CLDN10: variants seen among roughly 807,000 people sequenced by gnomAD.
The protein encoded by CLDN10 is claudin 10.
In CLDN10, 15 loss-of-function variants were observed where a neutral mutation model predicts 22.9. The ratio of observed to expected loss-of-function variants is 0.65; its 90% CI spans 0.44 to 1.01. CLDN10 has a LOEUF of 1.01. Ranked by LOEUF, CLDN10 falls within the 50% of genes least tolerant of loss-of-function variation. The pLI is 0.00. For synonymous variants in CLDN10, 114 were observed against 111.4 expected (o/e 1.02, Z -0.15); for missense variants, 247 against 287.8 (o/e 0.86, Z 1.03).
upstream of CLDN10, among the ~76,000 whole-genome samples, chr13:95,548,097 C>T (rs2043528686): frequency 6.6e-6 from 1 of 152,142 alleles, no homozygotes; most frequent in African/African-American, 2.4e-5. Context: ...ATCACTTGCC[C>T]AAAACATATA....
chr13:95,577,343 GAA>G lies in CLDN10; in HGVS notation c.572+9_572+10del. The G allele has an allele frequency of 6.3e-7, 1 of 1,579,212 alleles. No homozygotes were observed. Among genetic ancestry groups the G allele is most frequent in the Non-Finnish European group, 8.7e-7 (1 of 1,148,536 alleles). ...TGACAACAACAAAACACCCAGGTAT[GAA>G]AAAGAGACAAAAATGACCTGTTAAA... On this transcript the variant is annotated splice_donor_region_variant and intron_variant, in intron 4 of 4. Transcript: ENST00000299339.
At chr13:95,513,391 A>G (rs2043126512) in intron 1 of CLDN10, among the ~76,000 whole-genome samples, 1 of 152,172 alleles carries the variant, frequency 6.6e-6, no homozygotes, top group Non-Finnish European at 1.5e-5. Flanking sequence ...AGATAAACTT[A>G]TTTTCCAATT....
At chr13:95,553,024 C>T (rs1240443931) in intron 1 of CLDN10, 51 bp downstream of exon 1, 1 of 1,598,312 alleles carries the variant, frequency 6.3e-7, no homozygotes, top group Non-Finnish European at 8.5e-7. Flanking sequence ...TGATGGCCAG[C>T]CCGCTAGGCG....
intron 1 of CLDN10, among the ~76,000 whole-genome samples, chr13:95,522,780 G>A (rs1194488494): frequency 2.6e-5 from 4 of 151,832 alleles, no homozygotes; most frequent in Admixed American, 2.6e-4. Context: ...CTAATGAATT[G>A]GGTTTTTTTA....
intron 1 of CLDN10, among the ~76,000 whole-genome samples, chr13:95,544,430 G>T (rs1242672978): frequency 6.6e-6 from 1 of 152,198 alleles, no homozygotes; most frequent in Admixed American, 6.5e-5. Flanking sequence ...TTGTCAGAAA[G>T]ATTTATGCCA....
chr13:95,577,999 A>G lies in CLDN10; in HGVS notation c.672A>G (p.Lys224=). 2 of 1,608,026 alleles carry G rather than the reference A, an allele frequency of 1.2e-6. No homozygotes were observed. Among genetic ancestry groups the G allele is most frequent in the South Asian group, 1.1e-5 (1 of 90,774 alleles). ...KTTNPSKQFD[K]NAYV ...CAAACCCTTCAAAACAGTTTGATAA[A>G]AATGCTTATGTCTAAAAGAGCTCGC... The change falls in exon 5 of 5, where the codon AAA becomes AAG. Residue 224 remains lysine (K), a synonymous_variant. Transcript: ENST00000299339.
At chr13:95,444,083 C>G (rs1042495133) in intron 1 of CLDN10, among the ~76,000 whole-genome samples, 2 of 152,186 alleles carry the variant, frequency 1.3e-5, no homozygotes, top group Non-Finnish European at 2.9e-5. Context: ...TTATCTCTCA[C>G]AAGGTTCATA....
intron 1 of CLDN10, among the ~76,000 whole-genome samples, chr13:95,517,233 T>G (rs945630976): frequency 6.6e-6 from 1 of 152,060 alleles, no homozygotes; most frequent in South Asian, 2.1e-4. Context: ...TCTTCTTTCT[T>G]CCTGACTTCC....
intron 1 of CLDN10, among the ~76,000 whole-genome samples, chr13:95,517,768 T>A (rs1486495808): frequency 6.6e-6 from 1 of 152,016 alleles, no homozygotes; most frequent in Non-Finnish European, 1.5e-5. Flanking sequence ...AAACCCCATC[T>A]ACTAAAAATG....
intron 1 of CLDN10, among the ~76,000 whole-genome samples, chr13:95,558,047 A>G (rs1007930731): frequency 2.6e-5 from 4 of 152,218 alleles, no homozygotes; most frequent in Non-Finnish European, 5.9e-5. Flanking sequence ...TTCTGGGAGT[A>G]TATATAAATG....
chr13:95,539,527 A>C (rs1000653446), intron 1 of CLDN10, among the ~76,000 whole-genome samples: 1 of 152,250 alleles, frequency 6.6e-6, no homozygotes, highest in African/African-American at 2.4e-5. Flanking sequence ...TGACTTTATA[A>C]TAAAAATTTT....
intron 1 of CLDN10, among the ~76,000 whole-genome samples, chr13:95,473,159 AGG>A (rs1184596117): frequency 1.7e-4 from 16 of 95,926 alleles, no homozygotes; most frequent in African/African-American, 1.6e-3. Flanking sequence ...AAAAAAAAAA[AGG>A]AGAGAGAGAG....
chr13:95,466,860 C>T lies in CLDN10; in HGVS notation c.214+32813C>T, dbSNP rs373176122. The stretch of plus-strand genomic sequence containing the variant: ...ATCAACACATGACCAGTTTTGTTTC[C>T]TCTATACCCCCTCTACTTTTTTTTT... On this transcript the variant is annotated intron_variant, in intron 1 of 4. Coordinates refer to the CLDN10 transcript ENST00000376873. Among the ~76,000 whole-genome samples, 530 of 151,180 alleles carry T rather than the reference C, an allele frequency of 3.5e-3. 4 individuals carry two copies. Among genetic ancestry groups the T allele is most frequent in the African/African-American group, 0.013 (519 of 41,192 alleles).
chr13:95,494,421 A>C (rs2042906761), intron 1 of CLDN10, among the ~76,000 whole-genome samples: 1 of 152,236 alleles, frequency 6.6e-6, no homozygotes, highest in Non-Finnish European at 1.5e-5. Flanking sequence ...TAACACGCAT[A>C]AAACCTGAAT....
intron 3 of CLDN10, among the ~76,000 whole-genome samples, chr13:95,566,183 T>C (rs916222156): frequency 1.3e-5 from 2 of 152,230 alleles, no homozygotes; most frequent in Non-Finnish European, 2.9e-5. Flanking sequence ...TAGTTGTAGA[T>C]CCTTGAGGAA....
intron 1 of CLDN10, among the ~76,000 whole-genome samples, chr13:95,525,450 C>A (rs372372839): frequency 6.6e-6 from 1 of 151,788 alleles, no homozygotes; most frequent in East Asian, 1.9e-4. Context: ...GTCTACTAAC[C>A]CCAAATGACA....
At chr13:95,504,264 C>G (rs1159495588) in intron 1 of CLDN10, among the ~76,000 whole-genome samples, 1 of 152,230 alleles carries the variant, frequency 6.6e-6, no homozygotes, top group African/African-American at 2.4e-5. Flanking sequence ...GGAATATTCT[C>G]TTCTGTCTGC....
intron 1 of CLDN10, among the ~76,000 whole-genome samples, chr13:95,467,406 CTT>C (rs759370574): frequency 2.0e-5 from 3 of 152,084 alleles, no homozygotes; most frequent in Admixed American, 6.6e-5. Context: ...TAGTCTCATA[CTT>C]TTTTTAAAAC....
chr13:95,555,148 A>G (rs1488258155), intron 1 of CLDN10, among the ~76,000 whole-genome samples: 2 of 148,072 alleles, frequency 1.4e-5, no homozygotes, highest in African/African-American at 5.0e-5. Flanking sequence ...CCTCCCAGGT[A>G]CAAGTGATTC....
Sources: allele counts gnomAD v4.1 joint callset (sites outside exome capture counted in the v4.1 genomes callset), GRCh38; gene constraint gnomAD v4.1.1; transcripts MANE v1.5; gene names NCBI Gene and HGNC (gene_info 2026-07-23, HGNC 2026-07-21).